Variants in CDC20 observed in about 807,000 individuals in gnomAD.
CDC20 encodes cell division cycle 20.
Under a neutral mutation model 60.0 loss-of-function variants are expected in CDC20, and 34 were observed. The ratio of observed to expected loss-of-function variants is 0.57; its 90% CI spans 0.43 to 0.75. CDC20 has a LOEUF of 0.75. Among genes scored for constraint, CDC20 ranks in the 30% least tolerant of loss-of-function variants. The probability of loss-of-function intolerance (pLI) is 0.00; values close to 1 mark genes in which losing one functional copy is unlikely to be tolerated. For missense variants in CDC20, 469 were observed against 647.3 expected, an observed-to-expected ratio of 0.72 and a Z score of 2.99; for synonymous variants, 198 against 243.5, an observed-to-expected ratio of 0.81 and a Z score of 1.74.
chr1:43,359,052 G>A (rs918340667), intron 1 of CDC20, 46 bp downstream of exon 1: 1 of 685,408 alleles, frequency 1.5e-6, no homozygotes, highest in Non-Finnish European at 2.5e-6. Context: ...TGGCCAGGGG[G>A]AGGGGGTGCT....
At chr1:43,359,889 C>T in intron 4 of CDC20, 68 bp downstream of exon 4, 1 of 1,609,336 alleles carries the variant, frequency 6.2e-7, no homozygotes, top group Non-Finnish European at 8.5e-7. Context: ...GCACAGATAT[C>T]TGTCTCCTCT....
intron 4 of CDC20, 29 bp from the exon 5 acceptor site, chr1:43,359,940 C>T (rs1205343295): frequency 1.2e-6 from 2 of 1,613,554 alleles, no homozygotes; most frequent in East Asian, 2.2e-5. Flanking sequence ...TTGATTTTCC[C>T]AGCGTCTAGA....
In CDC20 at chr1:43,361,237, C is replaced by G. The variant is rs1319743846; in HGVS notation, c.1195C>G (p.His399Asp). The G allele has an allele frequency of 2.5e-6, 4 of 1,603,012 alleles. No homozygotes were observed. Among genetic ancestry groups the G allele is most frequent in the African/African-American group, 1.3e-5 (1 of 74,662 alleles). ...GGCCTGTCTGAGTGCCGTGGATGCC[C>G]ATTCCCAGGTAATCTTTTGCCTGTT... ...SGACLSAVDAHSQVCSILWSP... is the reference protein window; with the variant it reads ...SGACLSAVDADSQVCSILWSP... Residue 399 changes from histidine (H) to aspartate (D), a missense_variant, in exon 9 of 11, where the codon CAT becomes GAT. His to Asp is a moderately conservative substitution (Grantham distance 81). This residue lies in a region of CDC20 where 255 missense variants were observed against 326.7 expected (regional missense o/e 0.78). Transcript: ENST00000310955.
At chr1:43,362,707 C>A (rs1030971540) in intron 10 of CDC20, among the ~76,000 whole-genome samples, 2 of 152,056 alleles carry the variant, frequency 1.3e-5, no homozygotes, top group African/African-American at 4.8e-5. Context: ...TACTAAAAAA[C>A]ACAAAAAATT....
rs1473861847 is a variant in CDC20, at chr1:43,360,578, G to A, written c.833G>A (p.Ser278Asn). The change falls in exon 7 of 11, where the codon AGC (serine) becomes AAC (asparagine). Residue 278 changes from serine to asparagine, a missense_variant. Transcript: ENST00000310955. ...SARVGSLSWN[S>N]YILSSGSRSG... ...CGAGTGGGCTCCCTAAGCTGGAACA[G>A]CTATATCCTGTCCAGGTCAGTGGTT... 2 of 1,613,792 alleles carry A rather than the reference G, an allele frequency of 1.2e-6. No individual in the cohort carries two copies. The highest frequency in any genetic ancestry group is 2.2e-5 in the East Asian group (1 of 44,902).
At chr1:43,362,368 T>C (rs1444601292) in intron 10 of CDC20, 56 bp downstream of exon 10, 4 of 770,160 alleles carry the variant, frequency 5.2e-6, no homozygotes, top group East Asian at 5.0e-5. Context: ...ATGACTGAAA[T>C]GTCCAGAATA....
At chr1:43,362,461 A>C (rs1647176951) in intron 10 of CDC20, 149 bp downstream of exon 10, 1 of 609,118 alleles carries the variant, frequency 1.6e-6, no homozygotes, top group Admixed American at 2.9e-5. Context: ...TCTTAGAATT[A>C]GTTTTAACAG....
Position 43,363,159 on chromosome 1 carries a change from A to G in CDC20, c.*30A>G, listed in dbSNP as rs773547140. On this transcript the variant is annotated 3_prime_UTR_variant, in exon 11 of 11. Coordinates refer to ENST00000310955, the MANE Select transcript of CDC20 (RefSeq NM_001255.3). ...CAACCCATCACCTCAGTTGTTTTTT[A>G]TTTTTCTAATAAAGTCATGTCTCCC... 8 of 1,587,282 alleles carry G rather than the reference A, an allele frequency of 5.0e-6. No individual in the cohort carries two copies. Among genetic ancestry groups the G allele is most frequent in the South Asian group, 1.2e-5 (1 of 86,262 alleles).
Position 43,360,958 on chromosome 1 carries a change from C to G in CDC20, c.1074C>G (p.Val358=), listed in dbSNP as rs765936509. 2.5e-6 allele frequency: 4 copies of G among 1,612,820 alleles called. No homozygotes were observed. Among genetic ancestry groups the G allele is most frequent in the Non-Finnish European group, 3.4e-6 (4 of 1,178,972 alleles). ...LQTFTQHQGA[V]KAVAWCPWQS... ...CATTCACCCAGCATCAAGGGGCTGT[C>G]AAGGTGAGTAGGGTTGGGCTGAAGC... The change falls in exon 8 of 11, where the codon GTC becomes GTG. Residue 358 remains valine (V), a synonymous_variant. Transcript: ENST00000310955.
chr1:43,363,069 G>A lies in CDC20; in HGVS notation c.1440G>A (p.Arg480=), dbSNP rs1228561952. ...WRCFELDPAR[R]REREKASAAK... is the part of the protein sequence containing the mutation. ...GTTTTGAGTTGGACCCTGCGCGGCG[G>A]CGGGAGCGGGAGAAGGCCAGTGCAG... Residue 480 remains arginine, a synonymous_variant, in exon 11 of 11, where the codon CGG becomes CGA. Coordinates refer to ENST00000310955, the MANE Select transcript of CDC20 (RefSeq NM_001255.3). 1 of 1,613,396 alleles carries A rather than the reference G, an allele frequency of 6.2e-7. No homozygotes were observed. The highest frequency in any genetic ancestry group is 2.2e-5 in the East Asian group (1 of 44,878).
At chr1:43,362,563 C>T (rs1362398808) in intron 10 of CDC20, among the ~76,000 whole-genome samples, 1 of 151,916 alleles carries the variant, frequency 6.6e-6, no homozygotes, top group Non-Finnish European at 1.5e-5. Context: ...TCAGTAACAC[C>T]ATTGAAAAAA....
rs2153922429 is a variant in CDC20 at position 43,361,215 on chromosome 1, C to T, written c.1173C>T (p.Ala391=). The T allele has an allele frequency of 1.9e-6, 3 of 1,611,668 alleles. No individual in the cohort carries two copies. The East Asian group carries it at 6.7e-5, about 36-fold the overall frequency. The stretch of plus-strand genomic sequence containing the variant: ...GCATCTGGAATGTGTGCTCTGGGGC[C>T]TGTCTGAGTGCCGTGGATGCCCATT... The part of the protein sequence containing the change: ...HIRIWNVCSG[A]CLSAVDAHSQ... The change falls in exon 9 of 11, where the codon GCC becomes GCT. Residue 391 remains alanine, a synonymous_variant. Transcript: ENST00000310955.
intron 10 of CDC20, among the ~76,000 whole-genome samples, 169 bp from the exon 11 acceptor site, chr1:43,362,782 A>G (rs951807097): frequency 3.9e-5 from 6 of 152,138 alleles, no homozygotes; most frequent in East Asian, 1.9e-4. Flanking sequence ...GGAAAATGGC[A>G]TGAACCCAGG....
At chr1:43,361,050 G>A in intron 8 of CDC20, 70 bp from the exon 9 acceptor site, 1 of 1,606,988 alleles carries the variant, frequency 6.2e-7, no homozygotes, top group Admixed American at 1.7e-5. Context: ...ATTGGACTGG[G>A]TTAATCTGTG....
Position 43,360,114 on chromosome 1 carries a change from C to T in CDC20, c.556+17C>T. On this transcript the variant is annotated intron_variant, in intron 5 of 10. Coordinates refer to ENST00000310955, the MANE Select transcript of CDC20 (RefSeq NM_001255.3). ...ATGACTATTGTAAGTGCATCCTTAT[C>T]CTCGCCTCATGCATGGAGAAAGAGG... The T allele has an allele frequency of 6.2e-7, 1 of 1,614,206 alleles. No homozygotes were observed. The highest frequency in any genetic ancestry group is 8.5e-7 in the Non-Finnish European group (1 of 1,180,034).
chr1:43,360,397 G>C lies in CDC20; in HGVS notation c.753+8G>C. 1 of 1,613,708 alleles carries C rather than the reference G, an allele frequency of 6.2e-7. No individual in the cohort carries two copies. The highest frequency in any genetic ancestry group is 8.5e-7 in the Non-Finnish European group (1 of 1,179,578). ...AGCAGTGCTGAGGTGCAGGTGAGAC[G>C]TGTCCAGTGCTGTCATTCTCACCAG... On this transcript the variant is annotated splice_region_variant and intron_variant, in intron 6 of 10. Transcript: ENST00000310955.
Position 43,359,376 on chromosome 1 carries a change from G to A in CDC20, c.161G>A (p.Arg54Lys). 2 of 1,612,940 alleles carry A rather than the reference G, an allele frequency of 1.2e-6. No homozygotes were observed. The highest frequency in any genetic ancestry group is 4.5e-5 in the East Asian group (2 of 44,856). The change falls in exon 2 of 11, where the codon AGG becomes AAG. Residue 54 changes from arginine (R) to lysine (K), a missense_variant. By Grantham distance (26) the Arg-to-Lys change is conservative. This residue lies in a region of CDC20 where 115 missense variants were observed against 156.1 expected (regional missense o/e 0.74). Transcript: ENST00000310955. ...GCCAACCGATCCCACAGCGCCGGCA[G>A]GACTCCGGGCCGAACTCCTGGTCAG... ...RAANRSHSAG[R>K]TPGRTPGKSS...
rs138353916 is a variant in CDC20 at position 43,362,093 on chromosome 1, G to C, written c.1204-102G>C. On this transcript the variant is annotated intron_variant, in intron 9 of 10. Coordinates refer to ENST00000310955, the MANE Select transcript of CDC20 (RefSeq NM_001255.3). ...GTATGGACTATGATCATTCAACTCT[G>C]AGTCTGGAGCATGTGGCAGGGTGCC... The C allele has an allele frequency of 2.1e-3, 1,484 of 693,016 alleles. 14 individuals carry two copies. In the African/African-American group the frequency reaches 0.023, roughly 11 times the overall value. 42.9% of individuals were successfully genotyped at this position (693,016 alleles called of 1,614,324 possible). A position where few individuals can be genotyped will look rare whatever the true frequency, so the allele number is the denominator to read the frequency against.
At chr1:43,361,714 G>A (rs1647173465) in intron 9 of CDC20, among the ~76,000 whole-genome samples, 1 of 152,166 alleles carries the variant, frequency 6.6e-6, no homozygotes, top group African/African-American at 2.4e-5. Context: ...TCCATGCTGT[G>A]GTCTGTTATA....
Sources: allele counts gnomAD v4.1 joint callset (sites outside exome capture counted in the v4.1 genomes callset), GRCh38; gene constraint gnomAD v4.1.1; regional missense constraint gnomAD v4.1.1; transcripts MANE v1.5; gene names NCBI Gene and HGNC (gene_info 2026-07-23, HGNC 2026-07-21).